EPHA3: variants seen among roughly 807,000 people sequenced by gnomAD.
EPHA3 encodes the protein ephrin type-A receptor 3.
Under a neutral mutation model 107.1 loss-of-function variants are expected in EPHA3, and 42 were observed. The ratio of observed to expected loss-of-function variants is 0.39; its 90% CI spans 0.31 to 0.51. EPHA3 has a LOEUF of 0.51. Ranked by LOEUF, EPHA3 falls within the 20% of genes least tolerant of loss-of-function variation. The pLI is 0.78. For missense variants in EPHA3, 1,183 were observed against 1,211.2 expected (o/e 0.98, Z 0.35); for synonymous variants, 461 against 424.8 (o/e 1.09, Z -1.05).
chr3:89,125,791 C>T (rs1336324256), intron 1 of EPHA3, among the ~76,000 whole-genome samples: 1 of 151,518 alleles, frequency 6.6e-6, no homozygotes, highest in Non-Finnish European at 1.5e-5. Flanking sequence ...CTTACTTTTA[C>T]CCATTTAATT....
At chr3:89,247,282 CA>C (rs1559617713) in intron 3 of EPHA3, among the ~76,000 whole-genome samples, 8 of 152,022 alleles carry the variant, frequency 5.3e-5, no homozygotes. Flanking sequence ...TTCTAAAAAG[CA>C]GATAAACTTA....
Position 89,417,632 on chromosome 3 carries a change from C to T in EPHA3, c.1889-1573C>T, listed in dbSNP as rs181582167. ...ATATCTAAATGGCATATTCTTCCTT[C>T]GAATTAGCAAGATCAATGAACTTTC... On this transcript the variant is annotated intron_variant, in intron 10 of 16. Transcript: ENST00000336596. 9.7e-4 allele frequency among the ~76,000 whole-genome samples: 147 copies of T among 151,392 alleles called. No homozygotes were observed. The Middle Eastern group carries it at 0.014, about 14-fold the overall frequency.
intron 15 of EPHA3, among the ~76,000 whole-genome samples, chr3:89,470,784 A>G (rs1379128529): frequency 6.6e-6 from 1 of 152,198 alleles, no homozygotes; most frequent in East Asian, 1.9e-4. Flanking sequence ...ATGTGGGTCT[A>G]AAGGCCAGCT....
intron 3 of EPHA3, among the ~76,000 whole-genome samples, chr3:89,279,808 C>T (rs1036337849): frequency 2.6e-5 from 4 of 151,946 alleles, no homozygotes; most frequent in African/African-American, 9.7e-5. Flanking sequence ...AGAAAAATAA[C>T]AATAAATAAT....
chr3:89,394,524 A>AT (rs773323355), intron 5 of EPHA3, among the ~76,000 whole-genome samples: 11 of 152,218 alleles, frequency 7.2e-5, no homozygotes, highest in Non-Finnish European at 1.2e-4. Context: ...AGTAGATTCT[A>AT]TTTTTTGGTG....
chr3:89,456,978 C>T (rs986326757), intron 15 of EPHA3, among the ~76,000 whole-genome samples: 5 of 152,136 alleles, frequency 3.3e-5, no homozygotes, highest in Admixed American at 1.3e-4. Context: ...ATTTAGAACA[C>T]TATAATACCC....
chr3:89,199,855 C>A (rs1401239564), intron 2 of EPHA3, among the ~76,000 whole-genome samples: 1 of 152,184 alleles, frequency 6.6e-6, no homozygotes. Context: ...GCCAAAAGCA[C>A]ACTTCTGTCT....
At chr3:89,276,445 G>A (rs1270536549) in intron 3 of EPHA3, among the ~76,000 whole-genome samples, 1 of 152,080 alleles carries the variant, frequency 6.6e-6, no homozygotes, top group Non-Finnish European at 1.5e-5. Context: ...ATGCCTGACT[G>A]TGAAGAGAAT....
At chr3:89,211,048 T>C (rs923952807) in intron 3 of EPHA3, among the ~76,000 whole-genome samples, 1 of 152,142 alleles carries the variant, frequency 6.6e-6, no homozygotes, top group Admixed American at 6.6e-5. Context: ...AGAAGATTAT[T>C]TGATTTAAAA....
At chr3:89,144,733 G>T (rs147305710) in intron 2 of EPHA3, among the ~76,000 whole-genome samples, 1 of 151,598 alleles carries the variant, frequency 6.6e-6, no homozygotes, top group Admixed American at 6.6e-5. Flanking sequence ...AACACTCTGT[G>T]GTTGTGTTTT....
intron 3 of EPHA3, among the ~76,000 whole-genome samples, chr3:89,215,981 T>C (rs1161160112): frequency 1.3e-5 from 2 of 151,972 alleles, no homozygotes; most frequent in African/African-American, 4.8e-5. Context: ...CTTTATAGTA[T>C]CAAGTTCTTT....
intron 3 of EPHA3, among the ~76,000 whole-genome samples, chr3:89,299,158 C>T (rs1246737147): frequency 6.6e-6 from 1 of 151,994 alleles, no homozygotes; most frequent in Non-Finnish European, 1.5e-5. Flanking sequence ...AAATTTTTGG[C>T]ATTCATTTGT....
chr3:89,394,986 G>A (rs2107503046), intron 5 of EPHA3, among the ~76,000 whole-genome samples: 1 of 152,288 alleles, frequency 6.6e-6, no homozygotes, highest in Admixed American at 6.5e-5. Flanking sequence ...TAATGGAAGG[G>A]TTTGAAGAAG....
chr3:89,245,677 G>A (rs550668355), intron 3 of EPHA3, among the ~76,000 whole-genome samples: 2 of 152,322 alleles, frequency 1.3e-5, no homozygotes, highest in South Asian at 2.1e-4. Flanking sequence ...TCTGAAGTGC[G>A]AATTAAATCT....
intron 1 of EPHA3, among the ~76,000 whole-genome samples, chr3:89,112,193 C>T (rs1332365308): frequency 2.6e-5 from 4 of 151,924 alleles, no homozygotes; most frequent in African/African-American, 9.7e-5. Context: ...ATGAAAAACA[C>T]TTTAATACAA....
chr3:89,419,270 A>G lies in EPHA3; in HGVS notation c.1954A>G (p.Ile652Val), dbSNP rs779822883. 2.5e-6 allele frequency: 4 copies of G among 1,610,480 alleles called. No homozygotes were observed. Among genetic ancestry groups the G allele is most frequent in the Non-Finnish European group, 3.4e-6 (4 of 1,177,776 alleles). ...LPSKKEISVA[I>V]KTLKVGYTEK... ...TTCAAAAAAAGAGATTTCAGTGGCC[A>G]TTAAGACCCTGAAAGTTGGCTACAC... Residue 652 changes from isoleucine to valine, a missense_variant, in exon 11 of 17, where the codon ATT becomes GTT. Transcript: ENST00000336596.
At position 89,328,245 on chromosome 3, in the gene EPHA3, G is replaced by A. The variant is rs144561228; in HGVS notation, c.815-12671G>A. Among the ~76,000 whole-genome samples the A allele has an allele frequency of 5.4e-3, 820 of 152,104 alleles. 3 individuals carry two copies. Among genetic ancestry groups the A allele is most frequent in the Non-Finnish European group, 8.1e-3 (552 of 68,018 alleles). On this transcript the variant is annotated intron_variant, in intron 3 of 16. Transcript: ENST00000336596. ...TTTTCCCTCTACCCAATAAAGTTCC[G>A]TGTTTCGACTAATAACATGTAGTAG...
At position 89,332,530 on chromosome 3, in the gene EPHA3, A is replaced by T. The variant is rs571956710; in HGVS notation, c.815-8386A>T. Among the ~76,000 whole-genome samples the T allele has an allele frequency of 2.0e-5, 3 of 152,322 alleles. No individual in the cohort carries two copies. In the South Asian group the frequency reaches 6.2e-4, roughly 32 times the overall value. The stretch of plus-strand genomic sequence containing the variant: ...TGCACATTGCAGGCAGAGTTTAATG[A>T]CTGAACGTAGCCACTTCCAGTGTAT... On this transcript the variant is annotated intron_variant, in intron 3 of 16. Transcript: ENST00000336596.
At chr3:89,355,119 CA>C (rs57606058) in intron 5 of EPHA3, among the ~76,000 whole-genome samples, 5,877 of 137,402 alleles carry the variant, frequency 0.043, 399 homozygotes, top group African/African-American at 0.14. Context: ...AACAAATTGA[CA>C]AAAAAAAAAA....
Sources: allele counts gnomAD v4.1 joint callset (sites outside exome capture counted in the v4.1 genomes callset), GRCh38; gene constraint gnomAD v4.1.1; transcripts MANE v1.5; gene names NCBI Gene and HGNC (gene_info 2026-07-23, HGNC 2026-07-21).